The following KAZN variants were observed in gnomAD, a reference collection of about 807,000 sequenced individuals.
KAZN encodes kazrin, periplakin interacting protein.
KAZN carries 40 observed loss-of-function variants against 87.4 expected under a neutral mutation model. That is an observed-to-expected ratio of 0.46 (90% CI 0.36 to 0.60). KAZN has a LOEUF of 0.60. KAZN is among the 20% of genes least tolerant of loss of function. KAZN has a pLI of 0.00. For synonymous variants in KAZN, 466 were observed against 458.3 expected, an observed-to-expected ratio of 1.02 and a Z score of -0.22; for missense variants, 898 against 1,073.9, an observed-to-expected ratio of 0.84 and a Z score of 2.29.
intron 1 of KAZN, among the ~76,000 whole-genome samples, chr1:14,809,668 ATAAGCTTTACTGGAG>A (rs1275118787): frequency 3.3e-5 from 5 of 152,244 alleles, no homozygotes; most frequent in African/African-American, 1.2e-4. Flanking sequence ...GGTAGGCAGA[ATAAGCTTTACTGGAG>A]TAACCCCAGC....
chr1:14,483,667 G>A (rs948581703), intron 2 of KAZN, among the ~76,000 whole-genome samples: 35 of 152,082 alleles, frequency 2.3e-4, no homozygotes, highest in African/African-American at 8.2e-4. Context: ...GGTTTACATC[G>A]GTTTTATACA....
At chr1:14,418,227 G>A (rs542192852) in intron 2 of KAZN, among the ~76,000 whole-genome samples, 2 of 151,928 alleles carry the variant, frequency 1.3e-5, no homozygotes, top group Non-Finnish European at 2.9e-5. Flanking sequence ...AATTCAGGAA[G>A]ATCTGAGTTC....
At chr1:14,208,675 T>C (rs1298215930) in intron 2 of KAZN, among the ~76,000 whole-genome samples, 1 of 152,240 alleles carries the variant, frequency 6.6e-6, no homozygotes, top group Admixed American at 6.5e-5. Flanking sequence ...TATTGTCTTT[T>C]CATCCTGAGA....
At position 15,080,438 on chromosome 1, in the gene KAZN, C is replaced by T. The variant is rs564529712; in HGVS notation, c.1223-13742C>T. 3.3e-5 allele frequency among the ~76,000 whole-genome samples: 5 copies of T among 152,138 alleles called. No homozygotes were observed. In the South Asian group the frequency reaches 6.2e-4, roughly 19 times the overall value. ...GGGCCCCTGCCACCTCGCTGCCCAC[C>T]AAGGGTCCTGCCATCAGCCCCCAGC... is the stretch of plus-strand genomic sequence containing the variant. On this transcript the variant is annotated intron_variant, in intron 8 of 14. Transcript: ENST00000376030.
At chr1:13,910,574 C>T (rs1033303083) in intron 1 of KAZN, among the ~76,000 whole-genome samples, 2 of 151,922 alleles carry the variant, frequency 1.3e-5, no homozygotes, top group African/African-American at 4.8e-5. Context: ...GTTCCTGGCT[C>T]CCCATTTGCC....
chr1:14,866,535 C>T (rs1302003715), intron 1 of KAZN, among the ~76,000 whole-genome samples: 1 of 152,122 alleles, frequency 6.6e-6, no homozygotes, highest in Non-Finnish European at 1.5e-5. Flanking sequence ...TCAAGACCAG[C>T]TGGGCAACAT....
chr1:14,598,536 C>T (rs1450989842), upstream of KAZN, among the ~76,000 whole-genome samples: 1 of 152,088 alleles, frequency 6.6e-6, no homozygotes, highest in Non-Finnish European at 1.5e-5. The surrounding 1 kb of genome is among the most constrained non-coding windows in gnomAD (Gnocchi z 4.2). Context: ...CGACTGCCGT[C>T]CGCCGCCTCC....
intron 2 of KAZN, among the ~76,000 whole-genome samples, chr1:14,209,876 G>A (rs1646817852): frequency 6.6e-6 from 1 of 152,184 alleles, no homozygotes; most frequent in Non-Finnish European, 1.5e-5. Flanking sequence ...GGTACCCACT[G>A]AGAGTTGCCC....
intron 13 of KAZN, among the ~76,000 whole-genome samples, chr1:15,107,403 T>C (rs568191445): frequency 6.6e-6 from 1 of 152,314 alleles, no homozygotes; most frequent in East Asian, 1.9e-4. Flanking sequence ...ACTGGTTTCA[T>C]AGACAACTAG....
In KAZN at chr1:14,926,621, T is replaced by C. The variant is rs138603288; in HGVS notation, c.227-34063T>C. On this transcript the variant is annotated intron_variant, in intron 1 of 14. Transcript: ENST00000376030. ...CAAATCGAGTTTCTGAGAACTTCCA[T>C]GATGGCTAGGCATTGAGGACAGCCT... Among the ~76,000 whole-genome samples, 16 of 152,346 alleles carry C rather than the reference T, an allele frequency of 1.1e-4. No individual in the cohort carries two copies. The East Asian group carries it at 2.9e-3, about 28-fold the overall frequency.
At chr1:14,189,610 C>T (rs571068819) in intron 2 of KAZN, among the ~76,000 whole-genome samples, 2 of 152,250 alleles carry the variant, frequency 1.3e-5, no homozygotes, top group African/African-American at 4.8e-5. Flanking sequence ...TCTCACCCTC[C>T]TTAGCAGGCT....
chr1:14,795,207 T>G (rs1645794019), intron 1 of KAZN, among the ~76,000 whole-genome samples: 1 of 152,134 alleles, frequency 6.6e-6, no homozygotes, highest in Admixed American at 6.5e-5. Context: ...TAAGTTCCCC[T>G]TCATGTATTC....
At chr1:13,894,866 C>G (rs1171954796) in intron 1 of KAZN, among the ~76,000 whole-genome samples, 1 of 152,182 alleles carries the variant, frequency 6.6e-6, no homozygotes, top group Non-Finnish European at 1.5e-5. Context: ...GAGCTGGTTT[C>G]TAAAACTGGA....
chr1:14,637,065 C>T (rs1281657377), intron 1 of KAZN, among the ~76,000 whole-genome samples: 2 of 152,136 alleles, frequency 1.3e-5, no homozygotes, highest in African/African-American at 4.8e-5. Flanking sequence ...CCCAGAGAGC[C>T]CAGGGCCCCT....
intron 2 of KAZN, among the ~76,000 whole-genome samples, chr1:14,340,887 C>CTTTTTTTTTTT (rs1557650364): frequency 4.0e-4 from 18 of 45,120 alleles, no homozygotes; most frequent in African/African-American, 2.1e-3. Context: ...CATGATTTTC[C>CTTTTTTTTTTT]CTTTTTTTTT....
chr1:14,632,828 T>C (rs1464603128), intron 1 of KAZN, among the ~76,000 whole-genome samples: 1 of 152,114 alleles, frequency 6.6e-6, no homozygotes, highest in African/African-American at 2.4e-5. Flanking sequence ...GTGTGGACCG[T>C]GGCGTGACCT....
Position 14,303,028 on chromosome 1 carries a change from C to T in KAZN, c.249+122436C>T, listed in dbSNP as rs1654666876. Among the ~76,000 whole-genome samples the T allele has an allele frequency of 2.0e-5, 3 of 152,068 alleles. No individual in the cohort carries two copies. In the South Asian group the frequency reaches 6.2e-4, roughly 31 times the overall value. On this transcript the variant is annotated intron_variant, in intron 2 of 16. Coordinates refer to the KAZN transcript ENST00000636203. Reference sequence around the variant, plus strand: ...CCTGTGTGTCCTGGCTTTTCACATCCCATCTTGCTTTAGCTCTTGAAGGTA... The same window carrying T: ...CCTGTGTGTCCTGGCTTTTCACATCTCATCTTGCTTTAGCTCTTGAAGGTA...
intron 1 of KAZN, among the ~76,000 whole-genome samples, chr1:14,897,546 T>A (rs955086072): frequency 2.6e-5 from 4 of 152,216 alleles, no homozygotes; most frequent in Non-Finnish European, 4.4e-5. Flanking sequence ...TATTCATCTT[T>A]AAAATAACAA....
rs370995891 is a variant in KAZN, at chr1:14,547,622, G to A, written c.250-51361G>A. ...TGTTGTTACAGAGTCTCGCTCTGTC[G>A]CCCAGGCTGGAGTGCAGTGATGCAG... On this transcript the variant is annotated intron_variant, in intron 2 of 16. Transcript: ENST00000636203. 5.9e-5 allele frequency among the ~76,000 whole-genome samples: 9 copies of A among 152,056 alleles called. No individual in the cohort carries two copies. In the East Asian group the frequency reaches 9.7e-4, roughly 16 times the overall value.
Sources: gnomAD v4.1 joint callset for allele counts (sites outside exome capture counted in the v4.1 genomes callset) on GRCh38, gnomAD v4.1.1 for gene constraint, Gnocchi (gnomAD v3.1) non-coding constraint, MANE v1.5 for transcripts, NCBI Gene and HGNC (gene_info 2026-07-23, HGNC 2026-07-21) for gene names.